APOB: variants seen among roughly 807,000 people sequenced by gnomAD.
APOB encodes the protein apolipoprotein B-100.
APOB carries 153 observed loss-of-function variants against 314.1 expected under a neutral mutation model. The observed-to-expected ratio is 0.49, with a 90% CI of 0.43 to 0.56. APOB has a LOEUF of 0.56. Among genes scored for constraint, APOB ranks in the 20% least tolerant of loss-of-function variants. APOB has a pLI of 0.00. For missense variants in APOB, 5,430 were observed against 5,350.7 expected (o/e 1.01, Z -0.46); for synonymous variants, 2,087 against 2,036.4 (o/e 1.02, Z -0.67).
intron 9 of APOB, 21 bp from the exon 10 acceptor site, chr2:21,032,602 A>T: frequency 6.3e-7 from 1 of 1,592,246 alleles, no homozygotes; most frequent in East Asian, 2.2e-5. Flanking sequence ...AGACATGGAT[A>T]AAGTTATACA....
chr2:21,023,538 A>G lies in APOB; in HGVS notation c.2591T>C (p.Leu864Pro), dbSNP rs566674173. The part of the protein sequence containing the change: ...IAPGAKAGVK[L>P]EVANMQAELV... ...ACAGAATCTTACGTTGGCTACTTCC[A>G]GTTTTACTCCAGCCTTGGCTCCGGG... The change falls in exon 17 of 29, where the codon CTG becomes CCG. Residue 864 changes from leucine (L) to proline (P), a missense_variant. Physicochemically the swap from Leu to Pro is moderately conservative, Grantham distance 98 (BLOSUM62 -3). Coordinates refer to ENST00000233242, the MANE Select transcript of APOB (RefSeq NM_000384.3). 3.1e-6 allele frequency: 5 copies of G among 1,614,236 alleles called. No homozygotes were observed. The highest frequency in any genetic ancestry group is 3.4e-6 in the Non-Finnish European group (4 of 1,180,034).
chr2:21,010,017 T>G lies in APOB; in HGVS notation c.6851A>C (p.Lys2284Thr), dbSNP rs1663262540. Residue 2284 changes from lysine to threonine, a missense_variant, in exon 26 of 29, where the codon AAG becomes ACG. By Grantham distance (78) the Lys-to-Thr change is moderately conservative. Around this residue, in one of 3 missense-constraint regions of APOB, gnomAD observed 3,281 missense variants for 3,171.0 expected, o/e 1.03. Transcript: ENST00000233242. ...QNIDIQHLAG[K>T]LKQHIEAIDV... Reference sequence around the variant, plus strand: ...AATAGCCTCAATGTGTTGTTTTAACTTTCCAGCTAGGTGCTGGATGTCTAT... The same window carrying G: ...AATAGCCTCAATGTGTTGTTTTAACGTTCCAGCTAGGTGCTGGATGTCTAT... 6.2e-7 allele frequency: 1 copy of G among 1,613,776 alleles called. No individual in the cohort carries two copies.
In APOB at chr2:21,008,920, A is replaced by C. The variant is rs933849322; in HGVS notation, c.7948T>G (p.Phe2650Val). Residue 2650 changes from phenylalanine to valine, a missense_variant, in exon 26 of 29, where the codon TTT becomes GTT. This residue lies in a region of APOB where 3,281 missense variants were observed against 3,171.0 expected (regional missense o/e 1.03). Transcript: ENST00000233242. ...ATGTGGAAGGTGTTAAGGATGGTAA[A>C]TTCTGGTGTGGAAAACCTGGATGGG... ...KIPSRFSTPE[F>V]TILNTFHIPS... is the part of the protein sequence containing the mutation. 2.5e-6 allele frequency: 4 copies of C among 1,613,966 alleles called. No homozygotes were observed. In the African/African-American group the frequency reaches 5.3e-5, roughly 22 times the overall value.
Position 21,013,180 on chromosome 2 carries a change from A to G in APOB, c.4196T>C (p.Leu1399Pro), listed in dbSNP as rs1663375069. ...CTCACCTTGCACATTGTAGGAAAGC[A>G]GGTCAACCACAGAGTCAGCCTTCAT... ...YHMKADSVVDLLSYNVQGSGE... is the reference protein window; with the variant it reads ...YHMKADSVVDPLSYNVQGSGE... The change falls in exon 25 of 29, where the codon CTG becomes CCG. Residue 1399 changes from leucine (L) to proline (P), a missense_variant. Transcript: ENST00000233242. The G allele has an allele frequency of 1.9e-6, 3 of 1,614,072 alleles. No individual in the cohort carries two copies. Among genetic ancestry groups the G allele is most frequent in the Non-Finnish European group, 2.5e-6 (3 of 1,180,000 alleles).
intron 4 of APOB, among the ~76,000 whole-genome samples, chr2:21,038,688 A>G (rs1664064099): frequency 6.6e-6 from 1 of 152,030 alleles, no homozygotes; most frequent in Non-Finnish European, 1.5e-5. Context: ...TTCTCCACCC[A>G]TATCAGTCTC....
chr2:21,002,326 C>G lies in APOB; in HGVS notation c.13096G>C (p.Glu4366Gln). ...LHKFNEFIQN[E>Q]LQEASQELQQ... is the part of the protein sequence containing the mutation. Reference sequence around the variant, plus strand: ...AACTCTTGAGAAGCTTCCTGAAGCTCGTTTTGAATAAATTCATTGAACTTA... The same window carrying G: ...AACTCTTGAGAAGCTTCCTGAAGCTGGTTTTGAATAAATTCATTGAACTTA... Residue 4366 changes from glutamate (E) to glutamine (Q), a missense_variant, in exon 29 of 29, where the codon GAG becomes CAG. Glu to Gln is a conservative substitution (Grantham distance 29, BLOSUM62 2). Transcript: ENST00000233242. 1 of 1,612,514 alleles carries G rather than the reference C, an allele frequency of 6.2e-7. No homozygotes were observed. Among genetic ancestry groups the G allele is most frequent in the Non-Finnish European group, 8.5e-7 (1 of 1,179,578 alleles).
chr2:21,035,692 G>A lies in APOB; in HGVS notation c.710C>T (p.Thr237Ile), dbSNP rs1312102168. The A allele has an allele frequency of 1.3e-5, 21 of 1,614,024 alleles. No individual in the cohort carries two copies. The highest frequency in any genetic ancestry group is 1.8e-5 in the Non-Finnish European group (21 of 1,180,048). The change falls in exon 7 of 29, where the codon ACT becomes ATT. Residue 237 changes from threonine to isoleucine, a missense_variant. Coordinates refer to ENST00000233242, the MANE Select transcript of APOB (RefSeq NM_000384.3). ...ACAGGACTGGCTGCTGCTGATCAGA[G>A]TTGACAAGGGGCGGGTCTATGAAAG... ...LIKGMTRPLS[T>I]LISSSQSCQY...
rs543623037 is a variant in APOB, at chr2:21,011,117, G to A, written c.5751C>T (p.Leu1917=). The A allele has an allele frequency of 2.8e-5, 46 of 1,614,152 alleles. 1 individual carries two copies. The highest frequency in any genetic ancestry group is 3.3e-4 in the Middle Eastern group (2 of 6,062). The change falls in exon 26 of 29, where the codon CTC becomes CTT. Residue 1917 remains leucine, a synonymous_variant. Coordinates refer to ENST00000233242, the MANE Select transcript of APOB (RefSeq NM_000384.3). ...IDAHTNGNGK[L]ALWGEHTGQL... is the part of the protein sequence containing the mutation. ...GCCCAGTATGTTCTCCCCAGAGAGC[G>A]AGTTTCCCATTGCCATTTGTATGTG...
At chr2:21,040,911 C>T (rs768226) in intron 4 of APOB, 27 bp downstream of exon 4, 55 of 1,612,166 alleles carry the variant, frequency 3.4e-5, no homozygotes, top group Non-Finnish European at 4.1e-5. Context: ...CACACACATG[C>T]GTGTGCTCAT....
chr2:21,034,976 G>A, intron 7 of APOB, 75 bp from the exon 8 acceptor site: 2 of 829,028 alleles, frequency 2.4e-6, no homozygotes, highest in Non-Finnish European at 4.3e-6. Flanking sequence ...GGTTTTCCCT[G>A]TCTCTGCATC....
rs370314131 is a variant in APOB at position 21,005,924 on chromosome 2, G to C, written c.10944C>G (p.Val3648=). Residue 3648 remains valine (V), a synonymous_variant, in exon 26 of 29, where the codon GTC becomes GTG. Transcript: ENST00000233242. ...CCTTTTCTTGGTCATTGGAAAGCTCGACCTGGCTCTGGAAAGACCCAGAAT... is the reference window on the plus strand; with the variant it reads ...CCTTTTCTTGGTCATTGGAAAGCTCCACCTGGCTCTGGAAAGACCCAGAAT... The part of the protein sequence containing the change: ...RIHSGSFQSQ[V]ELSNDQEKAH... 6.2e-7 allele frequency: 1 copy of C among 1,613,808 alleles called. No homozygotes were observed.
In APOB at chr2:21,008,719, C is replaced by A. The variant is rs753292024; in HGVS notation, c.8149G>T (p.Ala2717Ser). Residue 2717 changes from alanine (A) to serine (S), a missense_variant, in exon 26 of 29, where the codon GCA becomes TCA. By Grantham distance (99) the Ala-to-Ser change is moderately conservative. This residue lies in a region of APOB where 3,281 missense variants were observed against 3,171.0 expected (regional missense o/e 1.03). Transcript: ENST00000233242. ...TLPDFRLPEI[A>S]IPEFIIPTLN... is the part of the protein sequence containing the mutation. ...GTTGGGATTATGAATTCTGGAATTGCGATTTCTGGTAAACGGAAGTCTGGC... is the reference window on the plus strand; with the variant it reads ...GTTGGGATTATGAATTCTGGAATTGAGATTTCTGGTAAACGGAAGTCTGGC... 1.2e-6 allele frequency: 2 copies of A among 1,613,988 alleles called. No homozygotes were observed. The highest frequency in any genetic ancestry group is 1.7e-5 in the Admixed American group (1 of 59,988).
chr2:21,028,008 G>C lies in APOB; in HGVS notation c.1887C>G (p.Asp629Glu). 6.2e-7 allele frequency: 1 copy of C among 1,614,056 alleles called. No individual in the cohort carries two copies. Among genetic ancestry groups the C allele is most frequent in the Non-Finnish European group, 8.5e-7 (1 of 1,179,888 alleles). Residue 629 changes from aspartate (D) to glutamate (E), a missense_variant, in exon 14 of 29, where the codon GAC becomes GAG. Around this residue, in one of 3 missense-constraint regions of APOB, gnomAD observed 2,085 missense variants for 2,079.7 expected, o/e 1.00. Transcript: ENST00000233242. ...LKESQLPTVMDFRKFSRNYQL... is the reference protein window; with the variant it reads ...LKESQLPTVMEFRKFSRNYQL... ...GATAGTTCCGAGAGAATTTTCTGAA[G>C]TCCATGACAGTTGGAAGTTGAGATT...
intron 3 of APOB, among the ~76,000 whole-genome samples, chr2:21,041,932 T>C (rs1262681477): frequency 2.6e-5 from 4 of 152,208 alleles, no homozygotes; most frequent in Non-Finnish European, 1.5e-5. Flanking sequence ...TATGTTTATA[T>C]TTTTTTCTTC....
rs190646461 is a variant in APOB at position 21,012,768 on chromosome 2, A to T, written c.4217-117T>A. 2.7e-5 allele frequency: 29 copies of T among 1,086,844 alleles called. No individual in the cohort carries two copies. In the African/African-American group the frequency reaches 4.3e-4, roughly 16 times the overall value. 67.3% of individuals were successfully genotyped at this position (1,086,844 alleles called of 1,614,324 possible). On this transcript the variant is annotated intron_variant, in intron 25 of 28. Coordinates refer to ENST00000233242, the MANE Select transcript of APOB (RefSeq NM_000384.3). ...TTTTTCTGGGCCAATTGTGCAATAGACTCCTCCATCTGTAATGCAAAGATA... is the reference window on the plus strand; with the variant it reads ...TTTTTCTGGGCCAATTGTGCAATAGTCTCCTCCATCTGTAATGCAAAGATA...
chr2:21,009,439 C>T lies in APOB; in HGVS notation c.7429G>A (p.Val2477Ile). Residue 2477 changes from valine (V) to isoleucine (I), a missense_variant, in exon 26 of 29, where the codon GTT becomes ATT. Val to Ile is a conservative substitution (Grantham distance 29). Transcript: ENST00000233242. ...TGTAGGCTTTCCAGATACACTGCAA[C>T]TGTGGCCTTGGTTTCCTCTAAAAAC... ...KLFLEETKAT[V>I]AVYLESLQDT... is the part of the protein sequence containing the mutation. 1 of 1,614,112 alleles carries T rather than the reference C, an allele frequency of 6.2e-7. No homozygotes were observed.
rs1343354969 is a variant in APOB at position 21,012,689 on chromosome 2, A to G, written c.4217-38T>C. 4 of 1,598,814 alleles carry G rather than the reference A, an allele frequency of 2.5e-6. No individual in the cohort carries two copies. In the East Asian group the frequency reaches 8.9e-5, roughly 36 times the overall value. On this transcript the variant is annotated intron_variant, in intron 25 of 28. Transcript: ENST00000233242. ...TGAAAAGACATTGGTTAAATTAAGCAGTACATTTCCAGAGCAATCTCTATG... is the reference window on the plus strand; with the variant it reads ...TGAAAAGACATTGGTTAAATTAAGCGGTACATTTCCAGAGCAATCTCTATG...
At position 21,006,308 on chromosome 2, in the gene APOB, G is replaced by GT; in HGVS notation, c.10559dup (p.Tyr3520Ter). The change falls in exon 26 of 29, where the codon TAC becomes TAAC. Residue 3520 changes from tyrosine to a stop codon, truncating the protein, a stop_gained and frameshift_variant. Transcript: ENST00000233242. LOFTEE classifies it high-confidence loss of function. Reference protein sequence around the residue: ...SGTIASEANTYLNSKSTRSSV... With the variant: ...SGTIASEANT ...AAGACCGTGTGCTCTTGGAATTCAA[G>GT]TAAGTGTTGGCCTCACTAGCAATAG... The GT allele has an allele frequency of 6.2e-7, 1 of 1,614,058 alleles. No individual in the cohort carries two copies. The highest frequency in any genetic ancestry group is 1.3e-5 in the African/African-American group (1 of 75,026).
Position 21,008,787 on chromosome 2 carries a change from C to G in APOB, c.8081G>C (p.Arg2694Thr). The G allele has an allele frequency of 6.2e-7, 1 of 1,613,992 alleles. No homozygotes were observed. ...AGGAATGTCCTCCACCTTCAGATCC[C>G]TGAGATATATATCTGGAACGGGCCA... ...LQWPVPDIYL[R>T]DLKVEDIPLA... The change falls in exon 26 of 29, where the codon AGG becomes ACG. Residue 2694 changes from arginine to threonine, a missense_variant. Arg to Thr is a moderately conservative substitution (Grantham distance 71). Transcript: ENST00000233242.
Sources: allele counts gnomAD v4.1 joint callset (sites outside exome capture counted in the v4.1 genomes callset), GRCh38; gene constraint gnomAD v4.1.1; regional missense constraint gnomAD v4.1.1; transcripts MANE v1.5; gene names NCBI Gene and HGNC (gene_info 2026-07-23, HGNC 2026-07-21).